Variants in STRBP observed in about 807,000 individuals in gnomAD.
STRBP encodes the protein spermatid perinuclear RNA binding protein, also known as spermatid perinuclear RNA-binding protein.
A neutral mutation model predicts 80.1 loss-of-function variants in STRBP; 13 were observed. The observed-to-expected ratio is 0.16, with a 90% CI of 0.11 to 0.26. The LOEUF is 0.26. Ranked by LOEUF, STRBP falls within the 10% of genes least tolerant of loss-of-function variation. The probability of loss-of-function intolerance (pLI) is 1.00; values close to 1 mark genes in which losing one functional copy is unlikely to be tolerated. For synonymous variants in STRBP, 284 were observed against 291.2 expected, an observed-to-expected ratio of 0.98 and a Z score of 0.25; for missense variants, 485 against 815.2, an observed-to-expected ratio of 0.59 and a Z score of 4.93.
intron 3 of STRBP, chr9:123,111,834 T>C (rs2035572417): frequency 3.9e-6 from 1 of 257,808 alleles, no homozygotes. Flanking sequence ...TCCATGTCCA[T>C]AAGAGAGAAG....
Position 123,123,513 on chromosome 9 carries a change from T to C in STRBP, c.*2084A>G. The C allele has an allele frequency of 1.0e-6, 1 of 968,920 alleles. No individual in the cohort carries two copies. Among genetic ancestry groups the C allele is most frequent in the Non-Finnish European group, 1.2e-6 (1 of 826,202 alleles). 60.0% of individuals were successfully genotyped at this position (968,920 alleles called of 1,614,324 possible). A position where few individuals can be genotyped will look rare whatever the true frequency, so the allele number is the denominator to read the frequency against. ...GCAGGTTTACAACATGGTTAGTAAC[T>C]TCCAACAAACAACAAAATTAAAAAA... On this transcript the variant is annotated 3_prime_UTR_variant, in exon 19 of 19. Transcript: ENST00000348403.
In STRBP at chr9:123,115,552, T is replaced by C; in HGVS notation, c.*84+377A>G. On this transcript the variant is annotated intron_variant and NMD_transcript_variant, in intron 3 of 3. Coordinates refer to the STRBP transcript ENST00000471564. This position sits in a 1 kb window ranked among gnomAD's most constrained non-coding sequence, Gnocchi z 5.0. ...CTACTCAGTTGTCTAAGCTGCAGAT[T>C]CTGACATTTTCTCCAACTGCTCCTT... is the stretch of plus-strand genomic sequence containing the variant. 1 of 359,022 alleles carries C rather than the reference T, an allele frequency of 2.8e-6. No homozygotes were observed. The highest frequency in any genetic ancestry group is 5.6e-6 in the Non-Finnish European group (1 of 177,750). 22.2% of individuals were successfully genotyped at this position (359,022 alleles called of 1,614,324 possible).
chr9:123,129,213 T>G (rs1029058791), intron 17 of STRBP, among the ~76,000 whole-genome samples: 1 of 151,880 alleles, frequency 6.6e-6, no homozygotes, highest in Non-Finnish European at 1.5e-5. Context: ...AAAAATTAGC[T>G]GGGTATGGTG....
chr9:123,176,245 T>G (rs1012551523), intron 4 of STRBP, among the ~76,000 whole-genome samples: 1 of 152,190 alleles, frequency 6.6e-6, no homozygotes. Context: ...ACCCTACCCC[T>G]ATCCATCCTC....
intron 11 of STRBP, among the ~76,000 whole-genome samples, chr9:123,154,997 G>T (rs1279515573): frequency 6.6e-6 from 1 of 152,190 alleles, no homozygotes; most frequent in Non-Finnish European, 1.5e-5. Flanking sequence ...ACTGACGCTG[G>T]TGAGAGAACA....
chr9:123,180,599 G>T (rs1330215447), intron 3 of STRBP, among the ~76,000 whole-genome samples: 1 of 152,250 alleles, frequency 6.6e-6, no homozygotes, highest in Non-Finnish European at 1.5e-5. Flanking sequence ...TACAAAGATC[G>T]AAGGGTGGTA....
intron 11 of STRBP, among the ~76,000 whole-genome samples, chr9:123,150,752 C>CT (rs774330951): frequency 1.8e-4 from 27 of 151,994 alleles, no homozygotes; most frequent in Non-Finnish European, 3.8e-4. Context: ...GAGTCCAAAA[C>CT]TAAGTTCAAG....
chr9:123,254,456 CAAAAAAAAA>C (rs1205708821), intron 1 of STRBP, among the ~76,000 whole-genome samples: 109 of 65,738 alleles, frequency 1.7e-3, no homozygotes, highest in African/African-American at 3.1e-3. Context: ...GACTCCGTCT[CAAAAAAAAA>C]AAAAAAAAAA....
At chr9:123,174,697 A>C (rs1018179073) in intron 4 of STRBP, among the ~76,000 whole-genome samples, 1 of 152,154 alleles carries the variant, frequency 6.6e-6, no homozygotes, top group African/African-American at 2.4e-5. Flanking sequence ...AATGTGATAA[A>C]AGTATAGAGC....
rs907588736 is a variant in STRBP, at chr9:123,239,385, A to C, written c.-301-2419T>G. ...GCGAGACTCTGTCTCAAAAACAAAA[A>C]AAAAAATGGAATGCCTATCGGGCTT... On this transcript the variant is annotated intron_variant, in intron 1 of 18. Coordinates refer to ENST00000348403, the MANE Select transcript of STRBP (RefSeq NM_018387.5). 5.3e-5 allele frequency among the ~76,000 whole-genome samples: 8 copies of C among 152,074 alleles called. 1 individual carries two copies. The highest frequency in any genetic ancestry group is 4.1e-4 in the South Asian group (2 of 4,822).
intron 17 of STRBP, 63 bp downstream of exon 17, chr9:123,132,782 A>G: frequency 2.5e-6 from 4 of 1,593,956 alleles, no homozygotes; most frequent in Non-Finnish European, 3.4e-6. Flanking sequence ...AAAATGCAGG[A>G]GATGCTATTC....
At chr9:123,262,483 G>A (rs1266566413) in intron 1 of STRBP, among the ~76,000 whole-genome samples, 4 of 152,160 alleles carry the variant, frequency 2.6e-5, no homozygotes, top group Admixed American at 2.6e-4. Flanking sequence ...CCATGACCCA[G>A]AAATGCCTCA....
chr9:123,162,405 A>G (rs944527087), intron 6 of STRBP, among the ~76,000 whole-genome samples: 2 of 151,904 alleles, frequency 1.3e-5, no homozygotes, highest in Non-Finnish European at 2.9e-5. Flanking sequence ...TTTTGTAGAT[A>G]TGGGATCTCA....
At chr9:123,147,459 T>A (rs1426834427) in intron 12 of STRBP, among the ~76,000 whole-genome samples, 1 of 152,002 alleles carries the variant, frequency 6.6e-6, no homozygotes, top group Non-Finnish European at 1.5e-5. Context: ...GTGAATTGCT[T>A]GAACTCAGGA....
intron 1 of STRBP, among the ~76,000 whole-genome samples, chr9:123,266,144 C>A (rs1295645986): frequency 6.6e-6 from 1 of 152,182 alleles, no homozygotes; most frequent in Non-Finnish European, 1.5e-5. Context: ...CTGCCCTGCA[C>A]CTGCTGCAAT....
intron 1 of STRBP, among the ~76,000 whole-genome samples, chr9:123,241,007 C>T (rs951494521): frequency 1.3e-5 from 2 of 151,810 alleles, no homozygotes; most frequent in Admixed American, 6.6e-5. Context: ...TGGAGAAACT[C>T]GATCTTTACT....
At chr9:123,146,778 A>G (rs2036832019) in intron 13 of STRBP, 77 bp downstream of exon 13, 7 of 1,240,508 alleles carry the variant, frequency 5.6e-6, no homozygotes, top group South Asian at 1.8e-5. Flanking sequence ...TAAAAATGAT[A>G]ATTTATTATA....
intron 13 of STRBP, among the ~76,000 whole-genome samples, chr9:123,143,839 C>A (rs370944654): frequency 3.3e-5 from 5 of 152,264 alleles, no homozygotes; most frequent in South Asian, 4.1e-4. Flanking sequence ...AAATGTTAGA[C>A]CATCACTAAC....
chr9:123,202,155 G>A (rs2039350130), intron 2 of STRBP, among the ~76,000 whole-genome samples: 1 of 152,104 alleles, frequency 6.6e-6, no homozygotes, highest in African/African-American at 2.4e-5. Flanking sequence ...GCAGATATTT[G>A]GATTCTGTAT....
Sources: gnomAD v4.1 joint callset for allele counts (sites outside exome capture counted in the v4.1 genomes callset) on GRCh38, gnomAD v4.1.1 for gene constraint, Gnocchi (gnomAD v3.1) non-coding constraint, MANE v1.5 for transcripts, NCBI Gene and HGNC (gene_info 2026-07-23, HGNC 2026-07-21) for gene names.